The following ARL15 variants were observed in gnomAD, a reference collection of about 807,000 sequenced individuals.
ARL15 encodes the protein ADP-ribosylation factor-like protein 15.
ARL15 carries 19 observed loss-of-function variants against 25.2 expected under a neutral mutation model. The observed-to-expected ratio is 0.75, with a 90% CI of 0.53 to 1.10. The LOEUF (loss-of-function observed/expected upper bound fraction) is 1.10. Among genes scored for constraint, ARL15 ranks in the 50% least tolerant of loss-of-function variants. The probability of loss-of-function intolerance (pLI) is 0.00; values close to 1 mark genes in which losing one functional copy is unlikely to be tolerated. For synonymous variants in ARL15, 94 were observed against 86.8 expected (o/e 1.08, Z -0.46); for missense variants, 220 against 246.0 (o/e 0.89, Z 0.71).
At chr5:54,252,300 T>A (rs1354934257) in intron 1 of ARL15, among the ~76,000 whole-genome samples, 1 of 152,226 alleles carries the variant, frequency 6.6e-6, no homozygotes, top group Non-Finnish European at 1.5e-5. Context: ...GACTGCCTCA[T>A]TAAGTCACCT....
chr5:54,071,979 G>GAAA (rs71989027), intron 4 of ARL15, among the ~76,000 whole-genome samples: 2 of 126,176 alleles, frequency 1.6e-5, no homozygotes, highest in African/African-American at 6.2e-5. Context: ...CTCAAAAAAA[G>GAAA]AAAAAAAAAA....
At chr5:54,185,424 CTCA>C (rs1755210142) in intron 1 of ARL15, among the ~76,000 whole-genome samples, 1 of 152,196 alleles carries the variant, frequency 6.6e-6, no homozygotes. Flanking sequence ...TGTCATAACA[CTCA>C]TCATTCTGTC....
At chr5:54,055,325 T>G (rs2112005653) in intron 4 of ARL15, among the ~76,000 whole-genome samples, 1 of 151,642 alleles carries the variant, frequency 6.6e-6, no homozygotes, top group East Asian at 1.9e-4. Flanking sequence ...ATCCATGTTG[T>G]AACATGTATT....
intron 3 of ARL15, among the ~76,000 whole-genome samples, chr5:54,117,912 C>A (rs1203854275): frequency 1.3e-5 from 2 of 152,118 alleles, no homozygotes; most frequent in Non-Finnish European, 2.9e-5. Flanking sequence ...TTAAGTGAGC[C>A]TGACAGCTTT....
rs10587860 is a variant in ARL15, at chr5:54,004,494, CAAA to C, written c.462+108705_462+108707del. Among the ~76,000 whole-genome samples, 53 of 126,216 alleles carry C rather than the reference CAAA, an allele frequency of 4.2e-4. 1 individual carries two copies. The highest frequency in any genetic ancestry group is 3.9e-3 in the East Asian group (17 of 4,370). 82.8% of individuals were successfully genotyped at this position (126,216 alleles called of 152,430 possible). On this transcript the variant is annotated intron_variant, in intron 4 of 4. Coordinates refer to ENST00000504924, the MANE Select transcript of ARL15 (RefSeq NM_019087.3). ...CTGGTGACAGAGCAAGACTGTGTCTCAAAAAAAAAAAAAAAAAATTCTCACCAT... is the reference window on the plus strand; with the variant it reads ...CTGGTGACAGAGCAAGACTGTGTCTCAAAAAAAAAAAAAAATTCTCACCAT...
intron 1 of ARL15, among the ~76,000 whole-genome samples, chr5:54,307,208 C>A (rs1758779853): frequency 6.6e-6 from 1 of 152,078 alleles, no homozygotes; most frequent in African/African-American, 2.4e-5. Context: ...AAATTGCCAC[C>A]CTGGCTAAAA....
At chr5:53,911,069 C>G (rs955665159) in intron 4 of ARL15, among the ~76,000 whole-genome samples, 2 of 152,140 alleles carry the variant, frequency 1.3e-5, no homozygotes, top group Non-Finnish European at 1.5e-5. Flanking sequence ...AACTGCTTAA[C>G]AGAATACACG....
intron 1 of ARL15, among the ~76,000 whole-genome samples, chr5:54,248,513 T>C (rs1337134070): frequency 6.6e-6 from 1 of 152,186 alleles, no homozygotes; most frequent in Non-Finnish European, 1.5e-5. Context: ...GCTTCTTCCC[T>C]TACAGGGAAA....
chr5:54,043,224 T>C (rs1410669696), intron 4 of ARL15, among the ~76,000 whole-genome samples: 2 of 151,992 alleles, frequency 1.3e-5, no homozygotes, highest in African/African-American at 4.8e-5. Context: ...TTTAGTACTT[T>C]ATACATTAAA....
intron 1 of ARL15, among the ~76,000 whole-genome samples, chr5:54,195,146 C>T (rs1755515541): frequency 6.6e-6 from 1 of 152,138 alleles, no homozygotes; most frequent in Admixed American, 6.6e-5. Context: ...ACATTCTGTA[C>T]TCTCAAAATA....
chr5:54,261,903 AGAG>A (rs1757505898), intron 1 of ARL15, among the ~76,000 whole-genome samples: 2 of 152,232 alleles, frequency 1.3e-5, no homozygotes, highest in Non-Finnish European at 2.9e-5. Context: ...AATGTGTTCC[AGAG>A]GATAATGTGC....
At chr5:54,240,697 T>G (rs985759397) in intron 1 of ARL15, among the ~76,000 whole-genome samples, 5 of 152,154 alleles carry the variant, frequency 3.3e-5, no homozygotes, top group African/African-American at 1.2e-4. Context: ...ATAAGGACCC[T>G]TCTCATGATT....
At chr5:54,027,380 ATTAC>A (rs1424597516) in intron 4 of ARL15, among the ~76,000 whole-genome samples, 1 of 152,212 alleles carries the variant, frequency 6.6e-6, no homozygotes, top group African/African-American at 2.4e-5. Flanking sequence ...CTCTTTATTA[ATTAC>A]TTAAACTTCC....
intron 3 of ARL15, among the ~76,000 whole-genome samples, chr5:54,152,179 A>C (rs890186549): frequency 9.2e-5 from 14 of 152,152 alleles, no homozygotes; most frequent in African/African-American, 3.4e-4. Context: ...ATTGATCATA[A>C]AACATATAAC....
chr5:54,203,055 G>A (rs1755765538), intron 1 of ARL15, among the ~76,000 whole-genome samples: 1 of 151,926 alleles, frequency 6.6e-6, no homozygotes, highest in African/African-American at 2.4e-5. Context: ...CTTATATAAA[G>A]CTCCCAAATT....
At chr5:54,062,925 C>T (rs183049484) in intron 4 of ARL15, among the ~76,000 whole-genome samples, 1 of 152,250 alleles carries the variant, frequency 6.6e-6, no homozygotes, top group East Asian at 1.9e-4. Flanking sequence ...ATAGAGAGAT[C>T]CAGGACTTGT....
At chr5:53,889,109 GTC>G (rs889783253) in intron 4 of ARL15, among the ~76,000 whole-genome samples, 36 of 151,906 alleles carry the variant, frequency 2.4e-4, no homozygotes, top group African/African-American at 8.7e-4. Context: ...AAGAGGGCTG[GTC>G]ACAAGAAATT....
At chr5:54,287,509 A>G (rs112818339) in intron 1 of ARL15, among the ~76,000 whole-genome samples, 1 of 151,330 alleles carries the variant, frequency 6.6e-6, no homozygotes, top group African/African-American at 2.4e-5. Flanking sequence ...GATAAAAGTG[A>G]AAGCAAGAAA....
At chr5:54,006,471 AT>A (rs113755017) in intron 4 of ARL15, among the ~76,000 whole-genome samples, 153 of 148,236 alleles carry the variant, frequency 1.0e-3, no homozygotes, top group East Asian at 6.1e-3. Context: ...ATAACAATTG[AT>A]TTTTTTTTTT....
Sources: gnomAD v4.1 joint callset for allele counts (sites outside exome capture counted in the v4.1 genomes callset) on GRCh38, gnomAD v4.1.1 for gene constraint, MANE v1.5 for transcripts, NCBI Gene and HGNC (gene_info 2026-07-23, HGNC 2026-07-21) for gene names.